The following USP28 variants were observed in gnomAD, a reference collection of about 807,000 sequenced individuals.
USP28 encodes ubiquitin specific peptidase 28.
Under a neutral mutation model 145.0 loss-of-function variants are expected in USP28, and 113 were observed. The ratio of observed to expected loss-of-function variants is 0.78; its 90% CI spans 0.67 to 0.91. The LOEUF is 0.91. Among genes scored for constraint, USP28 ranks in the 40% least tolerant of loss-of-function variants. The pLI is 0.00. For missense variants in USP28, 1,201 were observed against 1,289.6 expected, an observed-to-expected ratio of 0.93 and a Z score of 1.05; for synonymous variants, 447 against 450.9, an observed-to-expected ratio of 0.99 and a Z score of 0.11.
At chr11:113,850,170 G>A (rs1293418343) in intron 3 of USP28, among the ~76,000 whole-genome samples, 1 of 151,934 alleles carries the variant, frequency 6.6e-6, no homozygotes, top group Admixed American at 6.6e-5. Context: ...GTATAAATAG[G>A]TAAAAAATTA....
At chr11:113,814,896 A>T (rs1432243814) in intron 14 of USP28, among the ~76,000 whole-genome samples, 1 of 152,034 alleles carries the variant, frequency 6.6e-6, no homozygotes, top group African/African-American at 2.4e-5. Context: ...TAAAAAAAAA[A>T]AAAAAATCAG....
At chr11:113,815,371 T>C in exon 14 of USP28, 1 of 1,614,142 alleles carries the variant, frequency 6.2e-7, no homozygotes, top group Non-Finnish European at 8.5e-7. Flanking sequence ...AGAAGAGCTT[T>C]CTGTACTTGT....
intron 5 of USP28, among the ~76,000 whole-genome samples, chr11:113,836,775 T>A (rs1453762178): frequency 6.6e-6 from 1 of 152,118 alleles, no homozygotes; most frequent in East Asian, 1.9e-4. Flanking sequence ...GGGAGACTCT[T>A]AATACTTGAG....
At chr11:113,834,409 A>C in intron 5 of USP28, 74 bp from the exon 6 acceptor site, 1 of 1,024,312 alleles carries the variant, frequency 9.8e-7, no homozygotes, top group Non-Finnish European at 1.4e-6. Context: ...TTTTCACTTC[A>C]AATATTTTAT....
chr11:113,833,384 A>G, intron 7 of USP28, 36 bp downstream of exon 7: 1 of 1,605,298 alleles, frequency 6.2e-7, no homozygotes. Context: ...CTGACAAGGC[A>G]TGACTTCAAA....
intron 7 of USP28, among the ~76,000 whole-genome samples, chr11:113,832,364 C>T (rs2428017): frequency 0.015 from 2,332 of 152,282 alleles, 33 homozygotes; most frequent in Non-Finnish European, 0.021. Flanking sequence ...CCTGCCTCGG[C>T]GTCGCAAGTG....
Position 113,813,958 on chromosome 11 carries a change from G to C in USP28, c.1673-3C>G. 1 of 1,598,944 alleles carries C rather than the reference G, an allele frequency of 6.3e-7. No individual in the cohort carries two copies. Among genetic ancestry groups the C allele is most frequent in the Non-Finnish European group, 8.5e-7 (1 of 1,175,266 alleles). On this transcript the variant is annotated splice_region_variant and splice_polypyrimidine_tract_variant and intron_variant, in intron 14 of 24. Transcript: ENST00000003302. ...ACTTGCAATACAAGTCTTTAAATCT[G>C]TTTGGAAAAAGAAAAACAAAAGCTT...
intron 1 of USP28, among the ~76,000 whole-genome samples, chr11:113,861,157 A>G (rs1374641062): frequency 6.6e-6 from 1 of 151,988 alleles, no homozygotes; most frequent in African/African-American, 2.4e-5. Flanking sequence ...TGTCTGGACA[A>G]CAGAGATGGT....
At chr11:113,858,732 C>A (rs759356754) in intron 1 of USP28, among the ~76,000 whole-genome samples, 86 of 152,336 alleles carry the variant, frequency 5.6e-4, no homozygotes, top group Non-Finnish European at 9.6e-4. Flanking sequence ...GCCTCAGCCA[C>A]CTGAGCAGCT....
intron 1 of USP28, among the ~76,000 whole-genome samples, chr11:113,871,610 A>AG (rs2137201530): frequency 6.6e-6 from 1 of 152,312 alleles, no homozygotes; most frequent in Non-Finnish European, 1.5e-5. Flanking sequence ...CCATTAATCT[A>AG]GGTTTATCTC....
chr11:113,873,935 G>A (rs1949081649), intron 1 of USP28, among the ~76,000 whole-genome samples: 1 of 151,330 alleles, frequency 6.6e-6, no homozygotes, highest in Non-Finnish European at 1.5e-5. Flanking sequence ...GAGGTCAAGA[G>A]ACCGAGACCA....
intron 22 of USP28, 102 bp downstream of exon 23, chr11:113,803,696 A>G: frequency 1.1e-6 from 1 of 897,584 alleles, no homozygotes; most frequent in South Asian, 1.6e-5. Flanking sequence ...GTATGTGACA[A>G]GGGAGGTTAT....
At chr11:113,863,727 C>CCT in intron 1 of USP28, among the ~76,000 whole-genome samples, 1 of 151,252 alleles carries the variant, frequency 6.6e-6, no homozygotes, top group East Asian at 2.0e-4. Context: ...GGCCGGATCA[C>CCT]AAGGTCAGGA....
chr11:113,860,819 G>GA lies in USP28; in HGVS notation c.58-6485dup, dbSNP rs759256040. Among the ~76,000 whole-genome samples, 181 of 120,168 alleles carry GA rather than the reference G, an allele frequency of 1.5e-3. 2 individuals are homozygous for GA. Among genetic ancestry groups the GA allele is most frequent in the African/African-American group, 2.2e-3 (71 of 32,470 alleles). 78.8% of individuals were successfully genotyped at this position (120,168 alleles called of 152,430 possible). ...GCACAACAGAGCAAGACTGTGTCTCGAAAAAAAAAAAAATAAGGGCCGGGC... is the reference window on the plus strand; with the variant it reads ...GCACAACAGAGCAAGACTGTGTCTCGAAAAAAAAAAAAAATAAGGGCCGGGC... On this transcript the variant is annotated intron_variant, in intron 1 of 24. Coordinates refer to ENST00000003302, the Ensembl canonical transcript of USP28.
intron 2 of USP28, 113 bp from the exon 3 acceptor site, chr11:113,852,746 C>A (rs1946615382): frequency 1.6e-6 from 2 of 1,227,472 alleles, no homozygotes; most frequent in Non-Finnish European, 1.1e-6. Flanking sequence ...AGGCATAATT[C>A]TAGGGTAGAA....
chr11:113,846,128 G>A (rs947485087), intron 3 of USP28, among the ~76,000 whole-genome samples: 13 of 152,190 alleles, frequency 8.5e-5, no homozygotes, highest in Admixed American at 2.6e-4. Flanking sequence ...CTACTTATAC[G>A]AGGTTCTTAG....
intron 1 of USP28, among the ~76,000 whole-genome samples, chr11:113,860,464 CAAAA>C (rs924355956): frequency 7.0e-6 from 1 of 143,730 alleles, no homozygotes; most frequent in African/African-American, 2.6e-5. Context: ...AAAGAAAAAA[CAAAA>C]AACAAAAACA....
chr11:113,847,719 T>C (rs1946032128), intron 3 of USP28, among the ~76,000 whole-genome samples: 2 of 152,182 alleles, frequency 1.3e-5, no homozygotes, highest in Non-Finnish European at 2.9e-5. Context: ...AAGCTAAATA[T>C]AGAATTATCA....
chr11:113,852,595 G>A (rs770253369), exon 3 of USP28: 2 of 1,614,124 alleles, frequency 1.2e-6, no homozygotes, highest in Non-Finnish European at 1.7e-6. Context: ...TCTCATCAGT[G>A]AGAAGGCTGA....
Sources: gnomAD v4.1 joint callset for allele counts (sites outside exome capture counted in the v4.1 genomes callset) on GRCh38, gnomAD v4.1.1 for gene constraint, MANE v1.5 for transcripts, NCBI Gene and HGNC (gene_info 2026-07-23, HGNC 2026-07-21) for gene names.